The following KLHL32 variants were observed in gnomAD, a reference collection of about 807,000 sequenced individuals.
KLHL32 encodes kelch like family member 32.
KLHL32 carries 35 observed loss-of-function variants against 64.8 expected under a neutral mutation model. The ratio of observed to expected loss-of-function variants is 0.54; its 90% CI spans 0.41 to 0.72. The LOEUF is 0.72. KLHL32 is among the 30% of genes least tolerant of loss of function. The pLI, the probability that KLHL32 is intolerant of heterozygous loss-of-function variation, is 0.00. For synonymous variants in KLHL32, 259 were observed against 281.0 expected (o/e 0.92, Z 0.78); for missense variants, 589 against 768.5 (o/e 0.77, Z 2.76).
At chr6:97,050,913 GA>G (rs1382815183) in intron 4 of KLHL32, among the ~76,000 whole-genome samples, 1 of 152,200 alleles carries the variant, frequency 6.6e-6, no homozygotes, top group African/African-American at 2.4e-5. Flanking sequence ...TGAGGCAGGA[GA>G]ACCGCTTGAA....
Position 97,056,307 on chromosome 6 carries a change from A to C in KLHL32, c.313-8321A>C, listed in dbSNP as rs188412557. On this transcript the variant is annotated intron_variant, in intron 4 of 10. Transcript: ENST00000369261. ...TTTTTAGTAGAGTCGGGGTTTCACCATGTTAGCCAGGATGGTCTTGATCTC... is the reference window on the plus strand; with the variant it reads ...TTTTTAGTAGAGTCGGGGTTTCACCCTGTTAGCCAGGATGGTCTTGATCTC... Among the ~76,000 whole-genome samples, 99 of 151,762 alleles carry C rather than the reference A, an allele frequency of 6.5e-4. 1 individual carries two copies. The highest frequency in any genetic ancestry group is 2.4e-3 in the African/African-American group (98 of 41,374).
intron 3 of KLHL32, among the ~76,000 whole-genome samples, chr6:96,997,408 G>A (rs957755824): frequency 2.0e-5 from 3 of 152,072 alleles, no homozygotes; most frequent in Admixed American, 2.0e-4. Flanking sequence ...TGTATGCATT[G>A]GTTAAGACAT....
chr6:97,041,976 A>C (rs188146858), intron 4 of KLHL32, among the ~76,000 whole-genome samples: 14 of 152,304 alleles, frequency 9.2e-5, no homozygotes, highest in Admixed American at 2.0e-4. Flanking sequence ...TTAGATCCCC[A>C]AAAATTTATG....
chr6:97,111,472 G>A (rs1006929507), intron 6 of KLHL32, among the ~76,000 whole-genome samples: 1 of 152,192 alleles, frequency 6.6e-6, no homozygotes, highest in African/African-American at 2.4e-5. Flanking sequence ...CGAACCCGCT[G>A]CACCCAACCC....
the KLHL32 span, among the ~76,000 whole-genome samples, chr6:96,919,255 T>A: frequency 6.6e-6 from 1 of 152,318 alleles, no homozygotes; most frequent in East Asian, 1.9e-4. Flanking sequence ...GTAATGAGGT[T>A]ATCAATAATC....
At chr6:96,902,331 T>C in the KLHL32 span, among the ~76,000 whole-genome samples, 43 of 152,244 alleles carry the variant, frequency 2.8e-4, no homozygotes, top group Non-Finnish European at 4.6e-4. Flanking sequence ...TGGTTTTGAT[T>C]TGCATTTCTC....
chr6:96,989,473 C>T (rs1422015120), intron 3 of KLHL32, among the ~76,000 whole-genome samples: 4 of 152,106 alleles, frequency 2.6e-5, no homozygotes, highest in African/African-American at 9.7e-5. Context: ...ATGCTGTTAG[C>T]TTGATGGGTT....
intron 4 of KLHL32, among the ~76,000 whole-genome samples, chr6:97,047,948 C>T (rs762317740): frequency 1.8e-4 from 27 of 152,092 alleles, no homozygotes; most frequent in African/African-American, 5.8e-4. Context: ...AATAGGACTG[C>T]GAACCACAAT....
chr6:96,909,838 T>C, the KLHL32 span, among the ~76,000 whole-genome samples: 1 of 152,324 alleles, frequency 6.6e-6, no homozygotes, highest in Admixed American at 6.5e-5. Context: ...CATTAAAAAT[T>C]AGAAATAGAA....
At chr6:97,106,459 TA>T (rs202075220) in intron 6 of KLHL32, among the ~76,000 whole-genome samples, 3,289 of 152,188 alleles carry the variant, frequency 0.022, 59 homozygotes, top group Non-Finnish European at 0.035. Flanking sequence ...ATTTAAAAAA[TA>T]GACCGGGTGC....
At chr6:96,982,564 CAT>C (rs1361667081) in intron 3 of KLHL32, among the ~76,000 whole-genome samples, 3 of 152,090 alleles carry the variant, frequency 2.0e-5, no homozygotes, top group African/African-American at 7.2e-5. Flanking sequence ...TTAATATTGA[CAT>C]GTGTGGTTCT....
chr6:96,915,920 C>T, the KLHL32 span, among the ~76,000 whole-genome samples: 2 of 151,844 alleles, frequency 1.3e-5, no homozygotes, highest in Non-Finnish European at 2.9e-5. Flanking sequence ...AAGGTGCTCC[C>T]CTTTCCTTTC....
intron 4 of KLHL32, among the ~76,000 whole-genome samples, chr6:97,063,429 GA>G (rs951439226): frequency 1.3e-5 from 2 of 152,234 alleles, no homozygotes; most frequent in African/African-American, 4.8e-5. Flanking sequence ...ATTGCAGGCA[GA>G]AGGGGTTGGG....
chr6:96,949,746 G>C (rs1378443390), intron 1 of KLHL32, among the ~76,000 whole-genome samples: 1 of 152,042 alleles, frequency 6.6e-6, no homozygotes, highest in African/African-American at 2.4e-5. Context: ...TCCGAAAGCA[G>C]AACTTTTCTC....
chr6:97,122,317 C>T lies in KLHL32; in HGVS notation c.1355-5087C>T, dbSNP rs1218089863. Among the ~76,000 whole-genome samples the T allele has an allele frequency of 2.6e-5, 4 of 152,202 alleles. 1 individual carries two copies. Among genetic ancestry groups the T allele is most frequent in the Admixed American group, 2.6e-4 (4 of 15,288 alleles). ...ATCTGTGTGGGTTCCTCAAGTATGA[C>T]AGAAATAATATGGATACTAGTTTTA... On this transcript the variant is annotated intron_variant, in intron 7 of 10. Transcript: ENST00000369261.
At chr6:97,025,500 A>C (rs1466121368) in intron 3 of KLHL32, among the ~76,000 whole-genome samples, 2 of 152,266 alleles carry the variant, frequency 1.3e-5, no homozygotes, top group African/African-American at 4.8e-5. Flanking sequence ...CCAGTAATAG[A>C]TATGAATGCA....
intron 6 of KLHL32, among the ~76,000 whole-genome samples, chr6:97,113,277 T>C (rs886513627): frequency 1.3e-5 from 2 of 152,144 alleles, no homozygotes; most frequent in Non-Finnish European, 2.9e-5. Context: ...TCTGCTAGTG[T>C]TATGTTGACT....
chr6:97,062,085 TAAA>T (rs919619317), intron 4 of KLHL32, among the ~76,000 whole-genome samples: 3 of 152,014 alleles, frequency 2.0e-5, no homozygotes, highest in African/African-American at 7.2e-5. Context: ...AAACAAAAAA[TAAA>T]AAAAGACAAA....
intron 6 of KLHL32, among the ~76,000 whole-genome samples, chr6:97,092,862 C>T (rs754151910): frequency 1.3e-5 from 2 of 152,086 alleles, no homozygotes; most frequent in Non-Finnish European, 2.9e-5. Context: ...TAGAGCTGTG[C>T]GTTGCTGAGT....
Sources: allele counts gnomAD v4.1 joint callset (sites outside exome capture counted in the v4.1 genomes callset), GRCh38; gene constraint gnomAD v4.1.1; transcripts MANE v1.5; gene names NCBI Gene and HGNC (gene_info 2026-07-23, HGNC 2026-07-21).